The following SARM1 variants were observed in gnomAD, a reference collection of about 807,000 sequenced individuals.
The protein encoded by SARM1 is NAD(+) hydrolase SARM1.
In SARM1, 60 loss-of-function variants were observed where a neutral mutation model predicts 65.1. That is an observed-to-expected ratio of 0.92 (90% confidence interval 0.75 to 1.14). SARM1 has a LOEUF of 1.14. Ranked by LOEUF, SARM1 falls within the 50% of genes most tolerant of loss-of-function variation. The pLI is 0.00. For missense variants in SARM1, 913 were observed against 1,015.7 expected (o/e 0.90, Z 1.37); for synonymous variants, 417 against 465.4 (o/e 0.90, Z 1.34).
chr17:28,376,937 C>T (rs968161303), intron 1 of SARM1, among the ~76,000 whole-genome samples: 1 of 151,982 alleles, frequency 6.6e-6, no homozygotes, highest in African/African-American at 2.4e-5. Context: ...TTACAGGCAC[C>T]TGCTACCACG....
At chr17:28,377,313 G>A (rs1421957936) in intron 1 of SARM1, among the ~76,000 whole-genome samples, 1 of 151,856 alleles carries the variant, frequency 6.6e-6, no homozygotes, top group Non-Finnish European at 1.5e-5. Flanking sequence ...AACTGGGCCA[G>A]GTGAGGTGGT....
Position 28,402,216 on chromosome 17 carries a change from A to C in SARM1, c.*5930A>C. ...CAGCACTGGACATGAGGAACCAGAC[A>C]CAGGTGGGTTCTGACACTCACCCTG... On this transcript the variant is annotated 3_prime_UTR_variant, in exon 9 of 9. Coordinates refer to ENST00000585482, the MANE Select transcript of SARM1 (RefSeq NM_015077.4). 1 of 1,604,608 alleles carries C rather than the reference A, an allele frequency of 6.2e-7. No individual in the cohort carries two copies. Among genetic ancestry groups the C allele is most frequent in the Non-Finnish European group, 8.5e-7 (1 of 1,174,136 alleles).
At chr17:28,376,309 A>G (rs2067989257) in intron 1 of SARM1, among the ~76,000 whole-genome samples, 1 of 151,250 alleles carries the variant, frequency 6.6e-6, no homozygotes, top group Admixed American at 6.6e-5. Context: ...CTGTAATCTC[A>G]GCACTTTGGG....
chr17:28,379,600 G>A (rs111732883), intron 1 of SARM1, among the ~76,000 whole-genome samples: 3 of 152,072 alleles, frequency 2.0e-5, no homozygotes, highest in South Asian at 2.1e-4. Context: ...GTGAGCCACC[G>A]CACCCGGCCT....
intron 5 of SARM1, among the ~76,000 whole-genome samples, chr17:28,386,950 G>A (rs764161581): frequency 6.6e-6 from 1 of 152,146 alleles, no homozygotes; most frequent in Non-Finnish European, 1.5e-5. Context: ...TGTTGCCCAG[G>A]CTGTTCTCAA....
At position 28,399,701 on chromosome 17, in the gene SARM1, C is replaced by T; in HGVS notation, c.*3415C>T. ...GCTGGAACTCGAGGTGAGGATCAGC[C>T]TTTTCCAGCATCCTGTGAGAGACCA... On this transcript the variant is annotated 3_prime_UTR_variant, in exon 9 of 9. Transcript: ENST00000585482. The T allele has an allele frequency of 6.2e-7, 1 of 1,613,936 alleles. No homozygotes were observed. The highest frequency in any genetic ancestry group is 8.5e-7 in the Non-Finnish European group (1 of 1,179,878).
In SARM1 at chr17:28,396,458, C is replaced by T; in HGVS notation, c.*172C>T. ...TGGCCCACCTCCAACCCACTTTCCTCAGTATCTGGAGAGGGAAGGGAAGTC... is the reference window on the plus strand; with the variant it reads ...TGGCCCACCTCCAACCCACTTTCCTTAGTATCTGGAGAGGGAAGGGAAGTC... On this transcript the variant is annotated 3_prime_UTR_variant, in exon 9 of 9. Transcript: ENST00000585482. The T allele has an allele frequency of 1.4e-6, 1 of 738,122 alleles. No individual in the cohort carries two copies. The allele number at this position is 738,122 out of a possible 1,614,324, so 45.7% of individuals were successfully genotyped here.
chr17:28,402,308 A>G lies in SARM1; in HGVS notation c.*6022A>G, dbSNP rs781848598. On this transcript the variant is annotated 3_prime_UTR_variant, in exon 9 of 9. Transcript: ENST00000585482. ...CAGGTGTGATGACTAATGACAGGAA[A>G]AGCAACCCATATCCTGTGGAGAAAC... The G allele has an allele frequency of 6.2e-7, 1 of 1,613,454 alleles. No homozygotes were observed. Among genetic ancestry groups the G allele is most frequent in the Admixed American group, 1.7e-5 (1 of 59,934 alleles).
chr17:28,377,990 GC>G (rs1401457638), intron 1 of SARM1, among the ~76,000 whole-genome samples: 1 of 152,062 alleles, frequency 6.6e-6, no homozygotes, highest in Non-Finnish European at 1.5e-5. Context: ...GAGCCACTGC[GC>G]CCGGCCATCT....
At chr17:28,395,666 A>C in intron 7 of SARM1, 1 of 487,956 alleles carries the variant, frequency 2.0e-6, no homozygotes, top group African/African-American at 1.9e-5. Flanking sequence ...ATACAAAGAC[A>C]CTCATCACTC....
intron 1 of SARM1, among the ~76,000 whole-genome samples, chr17:28,377,553 G>C (rs541974477): frequency 1.3e-5 from 2 of 152,272 alleles, no homozygotes; most frequent in Non-Finnish European, 2.9e-5. Context: ...GCAGTGAGCT[G>C]TGAGCTTATG....
chr17:28,385,132 C>G lies in SARM1; in HGVS notation c.1487C>G (p.Pro496Arg). 11 of 1,613,466 alleles carry G rather than the reference C, an allele frequency of 6.8e-6. No homozygotes were observed. The highest frequency in any genetic ancestry group is 1.3e-5 in the African/African-American group (1 of 75,058). The change falls in exon 5 of 9, where the codon CCG becomes CGG. Residue 496 changes from proline to arginine, a missense_variant. This residue lies in a region of SARM1 where 862 missense variants were observed against 952.1 expected (regional missense o/e 0.91). Transcript: ENST00000585482. This position sits in a 1 kb window ranked among gnomAD's most constrained non-coding sequence, Gnocchi z 4.5. ...NLADWLGSLDPRFRQYTYGLV... is the reference protein window; with the variant it reads ...NLADWLGSLDRRFRQYTYGLV... ...GCGGACTGGCTGGGCAGCCTGGACC[C>G]GCGCTTCCGCCAGTACACCTACGGC...
chr17:28,396,078 A>G, intron 8 of SARM1, 52 bp downstream of exon 8: 2 of 1,613,522 alleles, frequency 1.2e-6, no homozygotes, highest in Non-Finnish European at 1.7e-6. Flanking sequence ...TCACCATGAC[A>G]GGCAGAGTGT....
chr17:28,374,988 A>ACC, intron 1 of SARM1, among the ~76,000 whole-genome samples: 1 of 151,590 alleles, frequency 6.6e-6, no homozygotes, highest in African/African-American at 2.4e-5. Context: ...AAAAAAAAAA[A>ACC]AAAAAAACAA....
At position 28,372,262 on chromosome 17, in the gene SARM1, C is replaced by T; in HGVS notation, c.230C>T (p.Ser77Phe). The stretch of plus-strand genomic sequence containing the variant: ...CTGCCGGAGCTGCAGCAGGCCTTGT[C>T]CGCGCTGAAGCAGGCGGGCGGCGCG... ...RALPELQQALSALKQAGGARA... is the reference protein window; with the variant it reads ...RALPELQQALFALKQAGGARA... The change falls in exon 1 of 9, where the codon TCC becomes TTC. Residue 77 changes from serine (S) to phenylalanine (F), a missense_variant. Around this residue, in one of 3 missense-constraint regions of SARM1, gnomAD observed 862 missense variants for 952.1 expected, o/e 0.91. Transcript: ENST00000585482. This position sits in a 1 kb window ranked among gnomAD's most constrained non-coding sequence, Gnocchi z 5.2. 1 of 1,393,708 alleles carries T rather than the reference C, an allele frequency of 7.2e-7. No homozygotes were observed. The allele number at this position is 1,393,708 out of a possible 1,614,324, so 86.3% of individuals were successfully genotyped here.
chr17:28,393,556 C>A (rs918756799), intron 7 of SARM1, among the ~76,000 whole-genome samples: 10 of 151,128 alleles, frequency 6.6e-5, no homozygotes, highest in Non-Finnish European at 1.2e-4. Context: ...TTCCCCTGCC[C>A]CCCGCCAAAA....
In SARM1 at chr17:28,396,372, G is replaced by T. The variant is rs1302278533; in HGVS notation, c.*86G>T. On this transcript the variant is annotated 3_prime_UTR_variant, in exon 9 of 9. Coordinates refer to ENST00000585482, the MANE Select transcript of SARM1 (RefSeq NM_015077.4). Reference sequence around the variant, plus strand: ...CAGCTCCTGAAACCAGTCTCCCTGGGCTGAGACAACCTGGGCTCTTCTTAG... The same window carrying T: ...CAGCTCCTGAAACCAGTCTCCCTGGTCTGAGACAACCTGGGCTCTTCTTAG... The T allele has an allele frequency of 1.3e-6, 2 of 1,535,816 alleles. No homozygotes were observed. Among genetic ancestry groups the T allele is most frequent in the South Asian group, 2.3e-5 (2 of 86,044 alleles).
chr17:28,401,058 T>G lies in SARM1; in HGVS notation c.*4772T>G. 1 of 409,110 alleles carries G rather than the reference T, an allele frequency of 2.4e-6. No individual in the cohort carries two copies. The highest frequency in any genetic ancestry group is 5.3e-5 in the East Asian group (1 of 19,034). The allele number at this position is 409,110 out of a possible 1,614,324, so 25.3% of individuals were successfully genotyped here. On this transcript the variant is annotated 3_prime_UTR_variant, in exon 9 of 9. Transcript: ENST00000585482. ...AAAGAAAAAAAAAGTACATGTGATA[T>G]TGTCTGATGAAAGCTTGATGGAAAT...
intron 1 of SARM1, among the ~76,000 whole-genome samples, chr17:28,380,431 G>A (rs183858954): frequency 7.2e-5 from 11 of 152,228 alleles, no homozygotes; most frequent in African/African-American, 1.2e-4. Context: ...CCAGGCACAC[G>A]CCATTACATC....
Sources: allele counts gnomAD v4.1 joint callset (sites outside exome capture counted in the v4.1 genomes callset), GRCh38; gene constraint gnomAD v4.1.1; regional missense constraint gnomAD v4.1.1; non-coding constraint Gnocchi (gnomAD v3.1); transcripts MANE v1.5; gene names NCBI Gene and HGNC (gene_info 2026-07-23, HGNC 2026-07-21).